OTOG: variants seen among roughly 807,000 people sequenced by gnomAD.
OTOG encodes otogelin.
Under a neutral mutation model 313.8 loss-of-function variants are expected in OTOG, and 296 were observed. The ratio of observed to expected loss-of-function variants is 0.94; its 90% CI spans 0.86 to 1.04. The LOEUF is 1.04. OTOG is among the 50% of genes least tolerant of loss of function. The probability of loss-of-function intolerance (pLI) is 0.00; values close to 1 mark genes in which losing one functional copy is unlikely to be tolerated. For synonymous variants in OTOG, 1,533 were observed against 1,554.9 expected, an observed-to-expected ratio of 0.99 and a Z score of 0.33; for missense variants, 3,948 against 3,840.1, an observed-to-expected ratio of 1.03 and a Z score of -0.74.
chr11:17,564,088 G>A (rs1852250901), intron 15 of OTOG, among the ~76,000 whole-genome samples: 1 of 152,134 alleles, frequency 6.6e-6, no homozygotes. Context: ...CCTCTTGACA[G>A]CAGGTTCTTT....
intron 23 of OTOG, among the ~76,000 whole-genome samples, chr11:17,579,099 G>A (rs1432980730): frequency 3.9e-5 from 6 of 152,160 alleles, no homozygotes; most frequent in African/African-American, 7.2e-5. Context: ...GTACACCGAC[G>A]TGGCCCAGGG....
In OTOG at chr11:17,591,545, T is replaced by C; in HGVS notation, c.2963T>C (p.Leu988Pro). 2 of 1,550,672 alleles carry C rather than the reference T, an allele frequency of 1.3e-6. No homozygotes were observed. The highest frequency in any genetic ancestry group is 1.4e-5 in the African/African-American group (1 of 73,186). The change falls in exon 25 of 56, where the codon CTC becomes CCC. Residue 988 changes from leucine (L) to proline (P), a missense_variant. Leu to Pro is a moderately conservative substitution (Grantham distance 98). Transcript: ENST00000399397. ...CGGCATTACCGCACGTTTGATGGGC[T>C]CCCGTTTGACTTCGTGGGGGCATGC... Reference protein sequence around the residue: ...GDRHYRTFDGLPFDFVGACKV... With the variant: ...GDRHYRTFDGPPFDFVGACKV...
At chr11:17,590,825 C>G (rs1258895721) in intron 24 of OTOG, among the ~76,000 whole-genome samples, 1 of 152,156 alleles carries the variant, frequency 6.6e-6, no homozygotes, top group East Asian at 1.9e-4. Flanking sequence ...TTTGAAATAC[C>G]CTTCTTACAG....
chr11:17,624,306 A>G (rs1485088109), intron 39 of OTOG, among the ~76,000 whole-genome samples: 1 of 152,174 alleles, frequency 6.6e-6, no homozygotes, highest in African/African-American at 2.4e-5. Context: ...TAAGTCTTTA[A>G]TCTATCTTAA....
intron 15 of OTOG, among the ~76,000 whole-genome samples, chr11:17,565,947 A>G (rs1852285485): frequency 1.3e-5 from 2 of 152,308 alleles, no homozygotes; most frequent in East Asian, 3.9e-4. Context: ...CTCCAAAAAT[A>G]TTACCAGGTT....
Position 17,593,595 on chromosome 11 carries a change from T to C in OTOG, c.3142-15T>C. On this transcript the variant is annotated splice_polypyrimidine_tract_variant and intron_variant, in intron 26 of 55. Transcript: ENST00000399397. The stretch of plus-strand genomic sequence containing the variant: ...GGGCACTTGGGCTCAGGACTGACCA[T>C]CTCTGTCCCTCTAGAGTCCAGAGAG... 3 of 1,548,580 alleles carry C rather than the reference T, an allele frequency of 1.9e-6. No individual in the cohort carries two copies. Among genetic ancestry groups the C allele is most frequent in the Non-Finnish European group, 2.6e-6 (3 of 1,146,854 alleles).
rs1565116700 is a variant in OTOG, at chr11:17,610,467, A to T, written c.5167A>T (p.Thr1723Ser). The part of the protein sequence containing the change: ...ATRSLEIVLS[T>S]EKGEAGHSQP... ...CAGGAGCTTGGAGATAGTGCTATCCACAGAGAAGGGCGAAGCCGGGCACAG... is the reference window on the plus strand; with the variant it reads ...CAGGAGCTTGGAGATAGTGCTATCCTCAGAGAAGGGCGAAGCCGGGCACAG... Residue 1723 changes from threonine to serine, a missense_variant, in exon 36 of 56, where the codon ACA becomes TCA. Thr to Ser is a moderately conservative substitution (Grantham distance 58, BLOSUM62 1). Coordinates refer to ENST00000399397, the MANE Select transcript of OTOG (RefSeq NM_001292063.2). The T allele has an allele frequency of 6.4e-7, 1 of 1,550,528 alleles. No homozygotes were observed. The highest frequency in any genetic ancestry group is 8.7e-7 in the Non-Finnish European group (1 of 1,146,964).
intron 54 of OTOG, among the ~76,000 whole-genome samples, chr11:17,644,061 C>T (rs955390334): frequency 6.6e-6 from 1 of 152,262 alleles, no homozygotes. Context: ...ATGGCCTGAT[C>T]TCTGGGGGCA....
chr11:17,621,588 C>T (rs1440307922), intron 39 of OTOG, among the ~76,000 whole-genome samples: 2 of 152,048 alleles, frequency 1.3e-5, no homozygotes, highest in Non-Finnish European at 2.9e-5. Flanking sequence ...TTCTGCAAAG[C>T]TTCAGAGCTC....
At chr11:17,551,821 T>TA (rs977035914) in intron 3 of OTOG, among the ~76,000 whole-genome samples, 179 bp from the exon 4 acceptor site, 1 of 152,092 alleles carries the variant, frequency 6.6e-6, no homozygotes, top group Non-Finnish European at 1.5e-5. Flanking sequence ...AGGGCAGGCC[T>TA]AAACATTCTC....
At position 17,589,689 on chromosome 11, in the gene OTOG, A is replaced by G. The variant is rs897510259; in HGVS notation, c.2868-1761A>G. Among the ~76,000 whole-genome samples, 7 of 152,182 alleles carry G rather than the reference A, an allele frequency of 4.6e-5. No individual in the cohort carries two copies. The East Asian group carries it at 9.6e-4, about 21-fold the overall frequency. On this transcript the variant is annotated intron_variant, in intron 24 of 55. Coordinates refer to ENST00000399397, the MANE Select transcript of OTOG (RefSeq NM_001292063.2). ...CGCCTTTTATTGCAAAACTCCCTGA[A>G]CACTTTTTCTATACTTGCTGTTTCA...
chr11:17,598,503 G>C (rs1853166828), intron 30 of OTOG, among the ~76,000 whole-genome samples: 3 of 151,968 alleles, frequency 2.0e-5, no homozygotes, highest in African/African-American at 7.3e-5. Flanking sequence ...GAGATTTTTG[G>C]TAGCCCCTTA....
chr11:17,639,586 AT>A (rs1239148257), intron 49 of OTOG, 123 bp downstream of exon 49: 4 of 1,008,710 alleles, frequency 4.0e-6, no homozygotes, highest in African/African-American at 1.6e-5. Flanking sequence ...GCAAGTCAGC[AT>A]TCTTTTCCCA....
rs547442238 is a variant in OTOG at position 17,598,216 on chromosome 11, G to A, written c.3682+1209G>A. Among the ~76,000 whole-genome samples the A allele has an allele frequency of 5.9e-5, 9 of 152,208 alleles. No homozygotes were observed. In the East Asian group the frequency reaches 1.7e-3, roughly 29 times the overall value. ...GCTTACCTGGGGTACAAAGTTTCAGGGGGCACCAAAAATGCAGTAATCAAG... is the reference window on the plus strand; with the variant it reads ...GCTTACCTGGGGTACAAAGTTTCAGAGGGCACCAAAAATGCAGTAATCAAG... On this transcript the variant is annotated intron_variant, in intron 30 of 55. Coordinates refer to ENST00000399397, the MANE Select transcript of OTOG (RefSeq NM_001292063.2).
At chr11:17,573,377 A>T in intron 19 of OTOG, 87 bp downstream of exon 19, 1 of 1,353,040 alleles carries the variant, frequency 7.4e-7, no homozygotes, top group South Asian at 1.4e-5. Flanking sequence ...CTCCACTGGG[A>T]TGCCCTCCAG....
At chr11:17,548,289 T>G in intron 3 of OTOG, 77 bp downstream of exon 3, 6 of 1,326,070 alleles carry the variant, frequency 4.5e-6, no homozygotes, top group Non-Finnish European at 6.2e-6. Flanking sequence ...CAGGGAGCTC[T>G]GTAGGTTACA....
intron 9 of OTOG, 34 bp downstream of exon 9, chr11:17,558,349 G>C: frequency 1.9e-6 from 3 of 1,547,636 alleles, no homozygotes; most frequent in Non-Finnish European, 2.6e-6. Context: ...CCCTACCCTA[G>C]AGCCTGACTT....
At chr11:17,642,391 C>T in intron 53 of OTOG, 145 bp downstream of exon 53, 2 of 1,159,568 alleles carry the variant, frequency 1.7e-6, no homozygotes, top group Admixed American at 3.0e-5. Context: ...ATCCATATGT[C>T]TCTCTGCATT....
intron 23 of OTOG, among the ~76,000 whole-genome samples, chr11:17,582,053 A>T (rs550440073): frequency 6.6e-6 from 1 of 152,254 alleles, no homozygotes; most frequent in Admixed American, 6.5e-5. Context: ...ATATACAATT[A>T]TTTATCTGCA....
Sources: allele counts gnomAD v4.1 joint callset (sites outside exome capture counted in the v4.1 genomes callset), GRCh38; gene constraint gnomAD v4.1.1; transcripts MANE v1.5; gene names NCBI Gene and HGNC (gene_info 2026-07-23, HGNC 2026-07-21).